Variants in ZDHHC18 observed in about 807,000 individuals in gnomAD.
ZDHHC18 encodes palmitoyltransferase ZDHHC18.
In ZDHHC18, 23 loss-of-function variants were observed where a neutral mutation model predicts 37.5. The ratio of observed to expected loss-of-function variants is 0.61; its 90% confidence interval spans 0.44 to 0.87. The LOEUF (loss-of-function observed/expected upper bound fraction) is 0.87, where lower values mean the gene tolerates loss of function less well. Among genes scored for constraint, ZDHHC18 ranks in the 40% least tolerant of loss-of-function variants. The pLI, the probability that ZDHHC18 is intolerant of heterozygous loss-of-function variation, is 0.00. For synonymous variants in ZDHHC18, 185 were observed against 218.7 expected, an observed-to-expected ratio of 0.85 and a Z score of 1.36; for missense variants, 406 against 525.6, an observed-to-expected ratio of 0.77 and a Z score of 2.22.
chr1:26,839,189 A>G (rs1374545022), intron 2 of ZDHHC18, among the ~76,000 whole-genome samples: 1 of 152,066 alleles, frequency 6.6e-6, no homozygotes, highest in Non-Finnish European at 1.5e-5. Flanking sequence ...TTTTCGTCTC[A>G]TTTTCACATC....
intron 2 of ZDHHC18, among the ~76,000 whole-genome samples, chr1:26,846,399 T>C (rs1241527081): frequency 4.5e-5 from 6 of 132,274 alleles, no homozygotes; most frequent in Admixed American, 3.4e-4. Context: ...CAATCTCGGC[T>C]CACTGCAAGC....
rs984960076 is a variant in ZDHHC18, at chr1:26,856,328, C to T, written c.*2485C>T. On this transcript the variant is annotated 3_prime_UTR_variant, in exon 8 of 8. Transcript: ENST00000374142. This position sits in a 1 kb window ranked among gnomAD's most constrained non-coding sequence, Gnocchi z 5.2. Reference sequence around the variant, plus strand: ...CCCTCACACACCATCTCATCCTCATCGCATGCCTCGCCAACCCCATGGAGC... The same window carrying T: ...CCCTCACACACCATCTCATCCTCATTGCATGCCTCGCCAACCCCATGGAGC... 2 of 397,584 alleles carry T rather than the reference C, an allele frequency of 5.0e-6. No homozygotes were observed. Among genetic ancestry groups the T allele is most frequent in the South Asian group, 1.7e-5 (1 of 58,880 alleles). The allele number at this position is 397,584 out of a possible 1,614,324, so 24.6% of individuals were successfully genotyped here.
chr1:26,848,288 G>C (rs2081682354), intron 2 of ZDHHC18, among the ~76,000 whole-genome samples: 1 of 151,918 alleles, frequency 6.6e-6, no homozygotes, highest in African/African-American at 2.4e-5. Context: ...ACTCCAGCCT[G>C]GGCGACAGAG....
chr1:26,853,572 A>G (rs1198497683), intron 7 of ZDHHC18, among the ~76,000 whole-genome samples, 154 bp from the exon 8 acceptor site: 1 of 152,200 alleles, frequency 6.6e-6, no homozygotes, highest in African/African-American at 2.4e-5. Flanking sequence ...CAGAGGTAAG[A>G]GTCTTGGGCC....
chr1:26,835,316 A>G (rs1056180241), intron 2 of ZDHHC18, among the ~76,000 whole-genome samples: 1 of 152,254 alleles, frequency 6.6e-6, no homozygotes, highest in Non-Finnish European at 1.5e-5. Flanking sequence ...GCAAAGTGCA[A>G]AAGTGGCATT....
chr1:26,837,873 C>G (rs2081620734), intron 2 of ZDHHC18, among the ~76,000 whole-genome samples: 1 of 152,194 alleles, frequency 6.6e-6, no homozygotes, highest in Admixed American at 6.6e-5. Flanking sequence ...CCTGGCACCC[C>G]CAGCCACGCT....
In ZDHHC18 at chr1:26,850,687, C is replaced by A; in HGVS notation, c.833+81C>A. The A allele has an allele frequency of 6.8e-7, 1 of 1,468,078 alleles. No individual in the cohort carries two copies. The highest frequency in any genetic ancestry group is 1.2e-5 in the South Asian group (1 of 85,824). The allele number at this position is 1,468,078 out of a possible 1,614,324, so 90.9% of individuals were successfully genotyped here. A position where few individuals can be genotyped will look rare whatever the true frequency, so the allele number is the denominator to read the frequency against. On this transcript the variant is annotated intron_variant, in intron 5 of 7. Coordinates refer to ENST00000374142, the MANE Select transcript of ZDHHC18 (RefSeq NM_032283.3). This position sits in a 1 kb window ranked among gnomAD's most constrained non-coding sequence, Gnocchi z 6.1. ...TGGGTGCCCTGCCTCATCCTCTAAT[C>A]AGAAGGGAACAGCGTACAGCTCACA...
In ZDHHC18 at chr1:26,850,979, C is replaced by T; in HGVS notation, c.834-150C>T. The T allele has an allele frequency of 1.4e-6, 1 of 731,754 alleles. No homozygotes were observed. The highest frequency in any genetic ancestry group is 2.3e-6 in the Non-Finnish European group (1 of 433,724). 45.3% of individuals were successfully genotyped at this position (731,754 alleles called of 1,614,324 possible). On this transcript the variant is annotated intron_variant, in intron 5 of 7. Transcript: ENST00000374142. The surrounding 1 kb of genome is among the most constrained non-coding windows in gnomAD (Gnocchi z 6.1). ...CTTCCGAGGGGCCCAGGAGGTGATC[C>T]TGCTAAGAAGTGGGGACTGGGCCAC...
chr1:26,827,211 C>A, intron 1 of ZDHHC18, 72 bp downstream of exon 1: 1 of 1,191,258 alleles, frequency 8.4e-7, no homozygotes, highest in Non-Finnish European at 1.1e-6. Context: ...CCCTGCTGGG[C>A]ACTCCGTGCC....
In ZDHHC18 at chr1:26,826,834, C is replaced by T; in HGVS notation, c.30C>T (p.Ser10=). The T allele has an allele frequency of 1.0e-6, 1 of 980,728 alleles. No individual in the cohort carries two copies. The highest frequency in any genetic ancestry group is 1.2e-6 in the Non-Finnish European group (1 of 828,116). The allele number at this position is 980,728 out of a possible 1,614,324, so 60.8% of individuals were successfully genotyped here. The part of the protein sequence containing the change: MKDCEYQQI[S]PGAAPLPASP... ...AGGACTGCGAGTACCAGCAGATCAG[C>T]CCCGGGGCCGCCCCGCTGCCCGCCT... The change falls in exon 1 of 8, where the codon AGC becomes AGT. Residue 10 remains serine, a synonymous_variant. Coordinates refer to ENST00000374142, the MANE Select transcript of ZDHHC18 (RefSeq NM_032283.3). This position sits in a 1 kb window ranked among gnomAD's most constrained non-coding sequence, Gnocchi z 5.2.
chr1:26,846,896 C>T (rs1471139997), intron 2 of ZDHHC18, among the ~76,000 whole-genome samples: 1 of 148,832 alleles, frequency 6.7e-6, no homozygotes. Context: ...TTCATTGTTC[C>T]TAATTTTTTT....
At chr1:26,827,407 C>T (rs1241858664) in intron 1 of ZDHHC18, among the ~76,000 whole-genome samples, 3 of 151,782 alleles carry the variant, frequency 2.0e-5, no homozygotes, top group African/African-American at 7.3e-5. Context: ...CTCCCTGACC[C>T]CACCCTGGCA....
chr1:26,849,295 C>T (rs532480548), intron 3 of ZDHHC18, among the ~76,000 whole-genome samples: 22 of 152,288 alleles, frequency 1.4e-4, no homozygotes, highest in African/African-American at 5.1e-4. Context: ...GTTGTTTTGT[C>T]CCCTCTCCCT....
chr1:26,852,617 C>T (rs1371441322), intron 6 of ZDHHC18, 136 bp from the exon 7 acceptor site: 40 of 680,490 alleles, frequency 5.9e-5, no homozygotes, highest in South Asian at 4.6e-4. Context: ...ATTGAATGGC[C>T]CACATGAAAG....
At chr1:26,848,879 G>A (rs1311795470) in intron 3 of ZDHHC18, 122 bp downstream of exon 3, 1 of 1,402,372 alleles carries the variant, frequency 7.1e-7, no homozygotes, top group Non-Finnish European at 9.6e-7. Context: ...GCTGGGCAGG[G>A]GGTCTGGTTC....
chr1:26,831,112 C>T (rs1381771579), intron 1 of ZDHHC18, among the ~76,000 whole-genome samples: 1 of 152,112 alleles, frequency 6.6e-6, no homozygotes, highest in African/African-American at 2.4e-5. Flanking sequence ...GAAAAATAGC[C>T]ATCACATAGA....
intron 2 of ZDHHC18, 100 bp from the exon 3 acceptor site, chr1:26,848,508 T>C: frequency 6.8e-7 from 1 of 1,477,686 alleles, no homozygotes; most frequent in South Asian, 1.2e-5. Flanking sequence ...ACCCTGAGGC[T>C]TCTCCTGGAC....
At chr1:26,845,743 C>G (rs1233720250) in intron 2 of ZDHHC18, among the ~76,000 whole-genome samples, 1 of 151,872 alleles carries the variant, frequency 6.6e-6, no homozygotes, top group Non-Finnish European at 1.5e-5. Context: ...TCAAATTGCT[C>G]TTTTATGATT....
At chr1:26,838,242 G>A (rs1319212563) in intron 2 of ZDHHC18, among the ~76,000 whole-genome samples, 3 of 152,098 alleles carry the variant, frequency 2.0e-5, no homozygotes, top group East Asian at 1.9e-4. Flanking sequence ...TGATCCGCCC[G>A]CCTCAGCCTC....
Sources: allele counts gnomAD v4.1 joint callset (sites outside exome capture counted in the v4.1 genomes callset), GRCh38; gene constraint gnomAD v4.1.1; non-coding constraint Gnocchi (gnomAD v3.1); transcripts MANE v1.5; gene names NCBI Gene and HGNC (gene_info 2026-07-23, HGNC 2026-07-21).